IGSF5: variants seen among roughly 807,000 people sequenced by gnomAD.
The protein encoded by IGSF5 is immunoglobulin superfamily member 5, also known as immunoglobulin superfamily 5 like.
In IGSF5, 41 loss-of-function variants were observed where a neutral mutation model predicts 39.4. The observed-to-expected ratio is 1.04, with a 90% CI of 0.81 to 1.35. The LOEUF is 1.35. Ranked by LOEUF, IGSF5 falls within the 40% of genes most tolerant of loss-of-function variation. The pLI is 0.00. For synonymous variants in IGSF5, 183 were observed against 175.3 expected (o/e 1.04, Z -0.34); for missense variants, 487 against 494.6 (o/e 0.98, Z 0.15).
the IGSF5 span, among the ~76,000 whole-genome samples, chr21:39,718,588 C>A: frequency 6.6e-6 from 1 of 152,268 alleles, no homozygotes; most frequent in African/African-American, 2.4e-5. Flanking sequence ...AAAGCCTTTT[C>A]TGCATTTGTT....
At chr21:39,727,008 G>A in the IGSF5 span, among the ~76,000 whole-genome samples, 8 of 152,154 alleles carry the variant, frequency 5.3e-5, no homozygotes, top group South Asian at 2.1e-4. Context: ...GGTTGGCCTC[G>A]AGGGTGGCCA....
chr21:39,788,060 A>G (rs2086934385), intron 5 of IGSF5, 107 bp from the exon 6 acceptor site: 1 of 801,776 alleles, frequency 1.2e-6, no homozygotes, highest in South Asian at 1.7e-5. Context: ...GGTCACAAAT[A>G]CTAATGTTGG....
chr21:39,775,061 G>T (rs2080132885), intron 4 of IGSF5, among the ~76,000 whole-genome samples: 2 of 152,080 alleles, frequency 1.3e-5, no homozygotes, highest in Admixed American at 1.3e-4. Flanking sequence ...ATTGGTTTTT[G>T]TGGAGCCTGG....
At chr21:39,766,170 T>G (rs367748665) in intron 3 of IGSF5, among the ~76,000 whole-genome samples, 3 of 152,202 alleles carry the variant, frequency 2.0e-5, no homozygotes, top group East Asian at 1.9e-4. Flanking sequence ...ATCCCCCTTC[T>G]TCCTCACTTC....
At chr21:39,781,506 T>C (rs1170076273) in intron 5 of IGSF5, among the ~76,000 whole-genome samples, 1 of 152,204 alleles carries the variant, frequency 6.6e-6, no homozygotes, top group Non-Finnish European at 1.5e-5. Flanking sequence ...GTAGGATTGC[T>C]AGGTCAAAAG....
At chr21:39,796,760 T>A (rs2086998245) in intron 8 of IGSF5, among the ~76,000 whole-genome samples, 1 of 152,180 alleles carries the variant, frequency 6.6e-6, no homozygotes, top group Non-Finnish European at 1.5e-5. Context: ...CTGAAAAGCC[T>A]GTAGATTAGA....
At chr21:39,799,422 G>T (rs549872733) in intron 8 of IGSF5, among the ~76,000 whole-genome samples, 2 of 152,186 alleles carry the variant, frequency 1.3e-5, no homozygotes, top group Non-Finnish European at 2.9e-5. Context: ...CCTCCGCCAG[G>T]CTTGCTGGAT....
At chr21:39,794,086 G>A (rs1342643336) in intron 8 of IGSF5, among the ~76,000 whole-genome samples, 1 of 152,220 alleles carries the variant, frequency 6.6e-6, no homozygotes, top group African/African-American at 2.4e-5. Flanking sequence ...AGAAAATGTA[G>A]TTTGCTCTGC....
intron 4 of IGSF5, among the ~76,000 whole-genome samples, chr21:39,777,629 A>T (rs1336522984): frequency 6.6e-6 from 1 of 151,950 alleles, no homozygotes; most frequent in Non-Finnish European, 1.5e-5. Context: ...CTCATCTCGG[A>T]TGGTGGGAGA....
rs530269330 is a variant in IGSF5, at chr21:39,796,334, C to A, written c.1128+2721C>A. 3.9e-5 allele frequency among the ~76,000 whole-genome samples: 6 copies of A among 152,254 alleles called. No individual in the cohort carries two copies. The East Asian group carries it at 9.7e-4, about 25-fold the overall frequency. On this transcript the variant is annotated intron_variant, in intron 8 of 8. Coordinates refer to ENST00000380588, the MANE Select transcript of IGSF5 (RefSeq NM_001080444.2). ...ACTTCCCCAGACCAGGCCCCGTAGC[C>A]CTGCAGCCCTGCCAGGCCTATGTCA...
At chr21:39,755,890 G>A (rs999250986) in intron 2 of IGSF5, among the ~76,000 whole-genome samples, 12 of 151,992 alleles carry the variant, frequency 7.9e-5, no homozygotes, top group African/African-American at 2.7e-4. Flanking sequence ...GATCACCTGA[G>A]GTCAGGAGTT....
chr21:39,776,931 T>C (rs1430381655), intron 4 of IGSF5, among the ~76,000 whole-genome samples: 1 of 152,204 alleles, frequency 6.6e-6, no homozygotes, highest in Non-Finnish European at 1.5e-5. Flanking sequence ...AAGAGTCCGT[T>C]AAACTGGAAA....
upstream of IGSF5, among the ~76,000 whole-genome samples, chr21:39,743,124 G>A (rs1405927358): frequency 1.2e-4 from 19 of 152,230 alleles, 1 homozygote; most frequent in South Asian, 3.5e-3. Flanking sequence ...TAGCACACAC[G>A]TGAGCAAATG....
At chr21:39,795,726 G>A (rs1321407708) in intron 8 of IGSF5, among the ~76,000 whole-genome samples, 6 of 151,918 alleles carry the variant, frequency 3.9e-5, no homozygotes, top group East Asian at 1.9e-4. Flanking sequence ...ATAATCAATC[G>A]GTGGAAAAAG....
intron 2 of IGSF5, among the ~76,000 whole-genome samples, chr21:39,750,519 A>AAG (rs2080000080): frequency 6.6e-6 from 1 of 150,590 alleles, no homozygotes; most frequent in Non-Finnish European, 1.5e-5. Context: ...AGAAAAAAAA[A>AAG]AAAAAAAGCA....
At chr21:39,780,090 G>A (rs965129974) in intron 5 of IGSF5, among the ~76,000 whole-genome samples, 1 of 152,142 alleles carries the variant, frequency 6.6e-6, no homozygotes, top group Non-Finnish European at 1.5e-5. Flanking sequence ...TGAGATGATG[G>A]TTATATGAAT....
the IGSF5 span, among the ~76,000 whole-genome samples, chr21:39,721,324 C>T: frequency 2.4e-4 from 36 of 152,238 alleles, no homozygotes; most frequent in East Asian, 6.2e-3. Flanking sequence ...TTGAATGAGA[C>T]TGTAGGTACA....
Position 39,791,850 on chromosome 21 carries a change from C to T in IGSF5, c.957-158C>T, listed in dbSNP as rs1018575930. On this transcript the variant is annotated intron_variant, in intron 6 of 8. Transcript: ENST00000380588. The stretch of plus-strand genomic sequence containing the variant: ...GTGAGTAGGCAGGCGTGCATACCTG[C>T]AACGCAGCGGCAAAGCTATGGACTT... The T allele has an allele frequency of 1.7e-5, 10 of 588,204 alleles. No individual in the cohort carries two copies. In the African/African-American group the frequency reaches 1.9e-4, roughly 11 times the overall value. The allele number at this position is 588,204 out of a possible 1,614,324, so 36.4% of individuals were successfully genotyped here. A position where few individuals can be genotyped will look rare whatever the true frequency, so the allele number is the denominator to read the frequency against.
chr21:39,742,013 T>C (rs1291676257), upstream of IGSF5, among the ~76,000 whole-genome samples: 1 of 152,014 alleles, frequency 6.6e-6, no homozygotes, highest in Non-Finnish European at 1.5e-5. Context: ...GGAGTCTTTG[T>C]TGGGCCTCGG....
Sources: allele counts gnomAD v4.1 joint callset (sites outside exome capture counted in the v4.1 genomes callset), GRCh38; gene constraint gnomAD v4.1.1; transcripts MANE v1.5; gene names NCBI Gene and HGNC (gene_info 2026-07-23, HGNC 2026-07-21).